FCAMR: variants seen among roughly 807,000 people sequenced by gnomAD.
FCAMR encodes the protein Fc alpha and mu receptor.
In FCAMR, 51 loss-of-function variants were observed where a neutral mutation model predicts 52.2. That is an observed-to-expected ratio of 0.98 (90% CI 0.78 to 1.23). The LOEUF (loss-of-function observed/expected upper bound fraction) is 1.23. FCAMR is among the 50% of genes most tolerant of loss of function. FCAMR has a pLI of 0.00. For missense variants in FCAMR, 719 were observed against 712.6 expected (o/e 1.01, Z -0.10); for synonymous variants, 282 against 262.0 (o/e 1.08, Z -0.74).
chr1:206,963,816 C>T (rs957791416), intron 4 of FCAMR, among the ~76,000 whole-genome samples: 1 of 152,112 alleles, frequency 6.6e-6, no homozygotes, highest in Non-Finnish European at 1.5e-5. Flanking sequence ...TTTTTGCCTA[C>T]CAGATGTATT....
intron 6 of FCAMR, 118 bp from the exon 7 acceptor site, chr1:206,959,915 G>T: frequency 1.3e-6 from 1 of 792,546 alleles, no homozygotes; most frequent in Admixed American, 2.0e-5. Flanking sequence ...AAGCAAATGG[G>T]CAGCCCTGGT....
rs571724323 is a variant in FCAMR at position 206,959,805 on chromosome 1, G to C, written c.1455-8C>G. On this transcript the variant is annotated splice_polypyrimidine_tract_variant and splice_region_variant and intron_variant, in intron 6 of 7. Coordinates refer to ENST00000324852, the MANE Select transcript of FCAMR (RefSeq NM_001170631.2). ...TCATCTTCTGGAAAAGTACTACAGTGGGGGTGGAAAGAGCACAGGGGAGAG... is the reference window on the plus strand; with the variant it reads ...TCATCTTCTGGAAAAGTACTACAGTCGGGGTGGAAAGAGCACAGGGGAGAG... The C allele has an allele frequency of 3.1e-6, 5 of 1,606,388 alleles. No individual in the cohort carries two copies. In the African/African-American group the frequency reaches 6.7e-5, roughly 21 times the overall value.
chr1:206,970,271 G>A lies in FCAMR; in HGVS notation c.-146C>T. On this transcript the variant is annotated 5_prime_UTR_variant, in exon 1 of 8. Coordinates refer to ENST00000324852, the MANE Select transcript of FCAMR (RefSeq NM_001170631.2). ...AAAGCAGCTGGAGCTAGCAACGGAA[G>A]GTCGGGGTGCAAGGCGTAGCTCTGC... 1.2e-6 allele frequency: 1 copy of A among 829,500 alleles called. No individual in the cohort carries two copies. The allele number at this position is 829,500 out of a possible 1,614,324, so 51.4% of individuals were successfully genotyped here.
At chr1:206,968,569 T>A (rs1369108481) in intron 1 of FCAMR, among the ~76,000 whole-genome samples, 2 of 152,226 alleles carry the variant, frequency 1.3e-5, no homozygotes, top group African/African-American at 4.8e-5. Context: ...TAACAGTCAA[T>A]GGTTTGGCCC....
At chr1:206,959,195 C>G (rs12023562) in intron 7 of FCAMR, among the ~76,000 whole-genome samples, 43,162 of 152,062 alleles carry the variant, frequency 0.28, 6,472 homozygotes, top group Middle Eastern at 0.43. Flanking sequence ...GATTAAAAAC[C>G]AAGGCAGTTT....
chr1:206,958,791 C>G, intron 7 of FCAMR, 115 bp from the exon 8 acceptor site: 1 of 1,400,912 alleles, frequency 7.1e-7, no homozygotes, highest in Non-Finnish European at 1.0e-6. Flanking sequence ...GACACAGAAG[C>G]AATGGAGCCC....
At position 206,960,425 on chromosome 1, in the gene FCAMR, T is replaced by A. The variant is rs1459053211; in HGVS notation, c.1451A>T (p.Lys484Met). ...WGPPGKESSV[K>M]RTFPEDESSS... ...GGGAGAAGGTGCCTGGGGTTACCGCTTCACGGAGGACTCCTTGCCAGGGGG... is the reference window on the plus strand; with the variant it reads ...GGGAGAAGGTGCCTGGGGTTACCGCATCACGGAGGACTCCTTGCCAGGGGG... The change falls in exon 6 of 8, where the codon AAG becomes ATG. Residue 484 changes from lysine to methionine, a missense_variant. Transcript: ENST00000324852. The A allele has an allele frequency of 1.3e-6, 2 of 1,490,544 alleles. No individual in the cohort carries two copies. Among genetic ancestry groups the A allele is most frequent in the Non-Finnish European group, 8.9e-7 (1 of 1,119,824 alleles). 92.3% of individuals were successfully genotyped at this position (1,490,544 alleles called of 1,614,324 possible). A position where few individuals can be genotyped will look rare whatever the true frequency, so the allele number is the denominator to read the frequency against.
chr1:206,970,075 G>A lies in FCAMR; in HGVS notation c.39+12C>T, dbSNP rs201790590. 1.5e-5 allele frequency: 25 copies of A among 1,614,044 alleles called. No homozygotes were observed. The highest frequency in any genetic ancestry group is 1.0e-4 in the Admixed American group (6 of 60,016). On this transcript the variant is annotated intron_variant, in intron 1 of 7. Transcript: ENST00000324852. ...GCAAGATCCCAACCTCCAGGAGAAAGCATCATTTCACCTTTTGTTCTCCAG... is the reference window on the plus strand; with the variant it reads ...GCAAGATCCCAACCTCCAGGAGAAAACATCATTTCACCTTTTGTTCTCCAG...
In FCAMR at chr1:206,960,719, A is replaced by T; in HGVS notation, c.1157T>A (p.Leu386Ter). ...TGCTTGTGGGAGGATTTCCCAGGCC[A>T]AAGTTTCTGAGACCAGAGCTGGTGG... ...IGPPALVSET[L>*]AWEILPQATP... The change falls in exon 6 of 8, where the codon TTG (leucine) becomes TAG (stop). Residue 386 changes from leucine (L) to a stop codon, truncating the protein, a stop_gained. Transcript: ENST00000324852. LOFTEE classifies it high-confidence loss of function. 4 of 1,552,322 alleles carry T rather than the reference A, an allele frequency of 2.6e-6. No homozygotes were observed. Among genetic ancestry groups the T allele is most frequent in the Non-Finnish European group, 3.5e-6 (4 of 1,147,120 alleles).
At chr1:206,961,665 C>T (rs1461030026) in intron 5 of FCAMR, among the ~76,000 whole-genome samples, 2 of 152,256 alleles carry the variant, frequency 1.3e-5, no homozygotes, top group Admixed American at 6.5e-5. Context: ...ATGCTGTCTC[C>T]TCTGCCAAGT....
At chr1:206,969,701 G>A (rs926690043) in intron 1 of FCAMR, among the ~76,000 whole-genome samples, 1 of 152,268 alleles carries the variant, frequency 6.6e-6, no homozygotes, top group East Asian at 1.9e-4. Context: ...GTAGTATAGA[G>A]GAGAGAGCAC....
In FCAMR at chr1:206,960,792, C is replaced by T; in HGVS notation, c.1084G>A (p.Val362Ile). The T allele has an allele frequency of 1.3e-6, 2 of 1,552,392 alleles. No individual in the cohort carries two copies. The highest frequency in any genetic ancestry group is 8.7e-7 in the Non-Finnish European group (1 of 1,147,150). Residue 362 changes from valine to isoleucine, a missense_variant, in exon 6 of 8, where the codon GTC (valine) becomes ATC (isoleucine). Val to Ile is a conservative substitution (Grantham distance 29). Transcript: ENST00000324852. The stretch of plus-strand genomic sequence containing the variant: ...TTGGCTGCATCAAGAGCTATCCTGA[C>T]CCCCTCTATGTCCTCCCTTGGCCTA... ...ADRPREDIEG[V>I]RIALDAAKKV...
chr1:206,963,561 G>A (rs922834479), intron 4 of FCAMR, among the ~76,000 whole-genome samples: 2 of 152,180 alleles, frequency 1.3e-5, no homozygotes, highest in Non-Finnish European at 2.9e-5. Flanking sequence ...TCCAGTGAAA[G>A]ATCACAACTC....
rs1325980139 is a variant in FCAMR at position 206,961,025 on chromosome 1, G to A, written c.851C>T (p.Pro284Leu). The stretch of plus-strand genomic sequence containing the variant: ...TGGAGCTGCTGGCCTGGTTGCTCCT[G>A]GGGTTCGTCTTCCCTCAGCTGAAGC... ...TTASAEGRRT[P>L]GATRPAAPGT... Residue 284 changes from proline (P) to leucine (L), a missense_variant, in exon 6 of 8, where the codon CCA becomes CTA. Pro to Leu is a moderately conservative substitution (Grantham distance 98). Coordinates refer to ENST00000324852, the MANE Select transcript of FCAMR (RefSeq NM_001170631.2). The A allele has an allele frequency of 5.2e-6, 8 of 1,551,770 alleles. No homozygotes were observed. The highest frequency in any genetic ancestry group is 1.2e-5 in the South Asian group (1 of 84,052).
chr1:206,965,927 A>T lies in FCAMR; in HGVS notation c.170-69T>A, dbSNP rs760723474. 30 of 1,602,286 alleles carry T rather than the reference A, an allele frequency of 1.9e-5. No individual in the cohort carries two copies. The East Asian group carries it at 2.3e-4, about 12-fold the overall frequency. Reference sequence around the variant, plus strand: ...TGTCCACAAAGGCACCTACAGAGGAAGAAGCAAACAGCCAGTTCCAAACCC... The same window carrying T: ...TGTCCACAAAGGCACCTACAGAGGATGAAGCAAACAGCCAGTTCCAAACCC... On this transcript the variant is annotated intron_variant, in intron 3 of 7. Transcript: ENST00000324852.
chr1:206,964,158 G>A (rs1456745631), intron 4 of FCAMR, among the ~76,000 whole-genome samples: 3 of 152,162 alleles, frequency 2.0e-5, no homozygotes, highest in Non-Finnish European at 4.4e-5. Flanking sequence ...ACATCTCTCC[G>A]ACAAAGCCCT....
chr1:206,960,345 G>C, intron 6 of FCAMR, 77 bp downstream of exon 6: 1 of 1,370,668 alleles, frequency 7.3e-7, no homozygotes, highest in South Asian at 1.5e-5. Context: ...GTGAGCAGAG[G>C]GAGAGGGGCC....
chr1:206,963,429 C>G (rs993470733), intron 4 of FCAMR, among the ~76,000 whole-genome samples: 1 of 152,154 alleles, frequency 6.6e-6, no homozygotes, highest in Non-Finnish European at 1.5e-5. Flanking sequence ...ATACCTTCTC[C>G]GTGGACATCT....
At chr1:206,969,582 G>T (rs1384162977) in intron 1 of FCAMR, among the ~76,000 whole-genome samples, 1 of 152,156 alleles carries the variant, frequency 6.6e-6, no homozygotes, top group Non-Finnish European at 1.5e-5. Context: ...TTCAGCACAG[G>T]CTGCTTGCTG....
Sources: gnomAD v4.1 joint callset for allele counts (sites outside exome capture counted in the v4.1 genomes callset) on GRCh38, gnomAD v4.1.1 for gene constraint, MANE v1.5 for transcripts, NCBI Gene and HGNC (gene_info 2026-07-23, HGNC 2026-07-21) for gene names.